Variants in NLGN4X observed in about 807,000 individuals in gnomAD.
The protein encoded by NLGN4X is neuroligin 4 X-linked, also known as neuroligin-4, X-linked.
NLGN4X carries 3 observed loss-of-function variants against 40.3 expected under a neutral mutation model. That is an observed-to-expected ratio of 0.07 (90% CI 0.03 to 0.19). The LOEUF is 0.19. Among genes scored for constraint, NLGN4X ranks in the 10% least tolerant of loss-of-function variants. NLGN4X has a pLI of 1.00. For synonymous variants in NLGN4X, 270 were observed against 306.8 expected (o/e 0.88, Z 1.25); for missense variants, 382 against 708.3 (o/e 0.54, Z 5.23).
Position 6,071,883 on chromosome X carries a change from G to C in NLGN4X, c.473-42451C>G, listed in dbSNP as rs778022889. ...GCCCAAGGATTTGACTTGCCAATGT[G>C]ATCCTTCCACCGTAAATTCAGTGCC... On this transcript the variant is annotated intron_variant, in intron 2 of 5. Transcript: ENST00000381095. Among the ~76,000 whole-genome samples the C allele has an allele frequency of 2.7e-5, 3 of 110,961 alleles. No homozygotes were observed. The South Asian group carries it at 1.2e-3, about 43-fold the overall frequency.
intron 3 of NLGN4X, among the ~76,000 whole-genome samples, chrX:5,953,409 A>G (rs1008250657): frequency 1.8e-5 from 2 of 111,043 alleles, no homozygotes; most frequent in African/African-American, 3.3e-5. Context: ...AGCACACCAG[A>G]GTGACTATAG....
intron 1 of NLGN4X, among the ~76,000 whole-genome samples, chrX:6,159,708 C>T (rs1412346069): frequency 4.5e-5 from 5 of 111,597 alleles, no homozygotes; most frequent in African/African-American, 9.8e-5. Context: ...CACTGCAAAA[C>T]GAGGGCTTGT....
intron 2 of NLGN4X, among the ~76,000 whole-genome samples, chrX:6,104,161 C>T (rs1003446325): frequency 4.5e-5 from 5 of 112,327 alleles, no homozygotes; most frequent in Non-Finnish European, 9.4e-5. Context: ...ACCTCCACCG[C>T]AAATTCTTCC....
chrX:6,217,024 C>T (rs1925146980), intron 1 of NLGN4X, among the ~76,000 whole-genome samples: 1 of 111,750 alleles, frequency 8.9e-6, no homozygotes, highest in African/African-American at 3.3e-5. Flanking sequence ...TCAAGTAACC[C>T]TCCTTCCTTG....
rs1430869520 is a variant in NLGN4X, at chrX:5,976,269, A to G, written c.625+53011T>C. 2.7e-5 allele frequency among the ~76,000 whole-genome samples: 3 copies of G among 112,402 alleles called. No homozygotes were observed. In the Admixed American group the frequency reaches 2.8e-4, roughly 11 times the overall value. ...ACCTTTTGGCAAAGAGAAACGGACT[A>G]TGTTCTTCCTAGTGAACAAAGGTCA... is the stretch of plus-strand genomic sequence containing the variant. On this transcript the variant is annotated intron_variant, in intron 3 of 5. Transcript: ENST00000381095.
intron 3 of NLGN4X, among the ~76,000 whole-genome samples, chrX:5,971,648 A>G (rs957788054): frequency 1.8e-5 from 2 of 111,668 alleles, no homozygotes; most frequent in African/African-American, 6.5e-5. Context: ...TCCTTTTTGC[A>G]AGGAGATGAC....
intron 3 of NLGN4X, among the ~76,000 whole-genome samples, chrX:5,982,326 G>A (rs954421886): frequency 8.9e-6 from 1 of 112,192 alleles, no homozygotes; most frequent in African/African-American, 3.2e-5. Context: ...AAATTTCTTT[G>A]AAGTTTGAGT....
chrX:5,902,985 T>G (rs375562775), intron 5 of NLGN4X, 92 bp downstream of exon 5: 14 of 1,019,528 alleles, frequency 1.4e-5, no homozygotes, highest in South Asian at 9.6e-5. Flanking sequence ...TATGCGTGTG[T>G]GCTCCTGCAC....
At chrX:5,997,046 C>T (rs998878177) in intron 3 of NLGN4X, among the ~76,000 whole-genome samples, 8 of 110,608 alleles carry the variant, frequency 7.2e-5, no homozygotes, top group African/African-American at 9.8e-5. Flanking sequence ...CTAATGCGGT[C>T]GGAAGTTAGT....
chrX:6,123,835 CAAA>C (rs59494482), intron 2 of NLGN4X, among the ~76,000 whole-genome samples: 53 of 59,289 alleles, frequency 8.9e-4, no homozygotes, highest in African/African-American at 2.6e-3. Flanking sequence ...TCAGGTAAAG[CAAA>C]AAAAAAAAAA....
intron 2 of NLGN4X, among the ~76,000 whole-genome samples, chrX:6,149,656 T>C (rs1430278927): frequency 9.0e-6 from 1 of 111,450 alleles, no homozygotes; most frequent in Non-Finnish European, 1.9e-5. Flanking sequence ...TATGAGATAA[T>C]TGAGAGGTCT....
At chrX:6,081,026 C>T (rs2038335120) in intron 2 of NLGN4X, among the ~76,000 whole-genome samples, 1 of 110,118 alleles carries the variant, frequency 9.1e-6, no homozygotes, top group African/African-American at 3.3e-5. Context: ...CAGTGATTCG[C>T]ACCTGTAATC....
chrX:6,003,035 A>G (rs775570892), intron 3 of NLGN4X, among the ~76,000 whole-genome samples: 2 of 111,506 alleles, frequency 1.8e-5, no homozygotes, highest in African/African-American at 6.5e-5. Context: ...ACCATCTTCA[A>G]TTTGTTCGTG....
At chrX:6,160,985 A>G (rs1443468523) in intron 1 of NLGN4X, among the ~76,000 whole-genome samples, 1 of 100,651 alleles carries the variant, frequency 9.9e-6, no homozygotes, top group African/African-American at 3.6e-5. Flanking sequence ...TCTATATATA[A>G]TATAGGATAT....
chrX:6,106,553 G>A (rs750874581), intron 2 of NLGN4X, among the ~76,000 whole-genome samples: 3 of 111,357 alleles, frequency 2.7e-5, no homozygotes, highest in African/African-American at 6.5e-5. Flanking sequence ...ATCCCCAACC[G>A]AAACTCTGAC....
intron 2 of NLGN4X, among the ~76,000 whole-genome samples, chrX:6,118,695 G>A (rs916788944): frequency 2.7e-5 from 3 of 111,525 alleles, no homozygotes; most frequent in Non-Finnish European, 3.8e-5. Context: ...CCAGAACTCA[G>A]GGTGATCTGA....
At position 5,927,828 on chromosome X, in the gene NLGN4X, C is replaced by T. The variant is rs191437274; in HGVS notation, c.626-18589G>A. 2.9e-4 allele frequency among the ~76,000 whole-genome samples: 33 copies of T among 112,505 alleles called. 1 individual carries two copies. In the East Asian group the frequency reaches 7.0e-3, roughly 24 times the overall value. ...TCAGTGTGTGCTATATTGAGCTAAA[C>T]ATCTTTTTCTCATTCAAACTCGTCT... is the stretch of plus-strand genomic sequence containing the variant. On this transcript the variant is annotated intron_variant, in intron 3 of 5. Transcript: ENST00000381095.
intron 3 of NLGN4X, among the ~76,000 whole-genome samples, chrX:6,023,983 T>C (rs1158192747): frequency 9.1e-6 from 1 of 109,747 alleles, no homozygotes; most frequent in Non-Finnish European, 1.9e-5. Flanking sequence ...CTTTGGACTA[T>C]CATGAACAAC....
chrX:6,140,277 T>C (rs993215878), intron 2 of NLGN4X, among the ~76,000 whole-genome samples: 6 of 111,637 alleles, frequency 5.4e-5, no homozygotes, highest in Admixed American at 1.9e-4. Flanking sequence ...CCATGCACAG[T>C]AGACCAAGAG....
Sources: allele counts gnomAD v4.1 joint callset (sites outside exome capture counted in the v4.1 genomes callset), GRCh38; gene constraint gnomAD v4.1.1; transcripts MANE v1.5; gene names NCBI Gene and HGNC (gene_info 2026-07-23, HGNC 2026-07-21).